PIK3R6: variants seen among roughly 807,000 people sequenced by gnomAD.
The protein encoded by PIK3R6 is phosphoinositide-3-kinase regulatory subunit 6.
In PIK3R6, 91 loss-of-function variants were observed where a neutral mutation model predicts 84.9. The ratio of observed to expected loss-of-function variants is 1.07; its 90% CI spans 0.90 to 1.28. The LOEUF (loss-of-function observed/expected upper bound fraction) is 1.28. Among genes scored for constraint, PIK3R6 ranks in the 50% most tolerant of loss-of-function variants. The probability of loss-of-function intolerance (pLI) is 0.00; values close to 1 mark genes in which losing one functional copy is unlikely to be tolerated. For synonymous variants in PIK3R6, 416 were observed against 411.4 expected (o/e 1.01, Z -0.13); for missense variants, 996 against 985.1 (o/e 1.01, Z -0.15).
At chr17:8,822,051 T>A in intron 16 of PIK3R6, 115 bp from the exon 17 acceptor site, 1 of 645,604 alleles carries the variant, frequency 1.5e-6, no homozygotes. Flanking sequence ...GCTGTGAGAG[T>A]CTTTTTTTTT....
chr17:8,817,967 G>T (rs149723), intron 18 of PIK3R6, among the ~76,000 whole-genome samples: 25,301 of 151,062 alleles, frequency 0.17, 2,200 homozygotes, highest in Middle Eastern at 0.22. Flanking sequence ...GCATGTGTAG[G>T]CTAAGCGGAA....
At position 8,827,263 on chromosome 17, in the gene PIK3R6, C is replaced by T; in HGVS notation, c.1424G>A (p.Gly475Glu). ...GCGGCCCAGGAACGTAGCCAGCTCT[C>T]CCAGCTCCGGCTGCCTGGATGCTGC... ...KPAASRQPELGELATFLGRVD... is the reference protein window; with the variant it reads ...KPAASRQPELEELATFLGRVD... The change falls in exon 13 of 20, where the codon GGA becomes GAA. Residue 475 changes from glycine to glutamate, a missense_variant. Transcript: ENST00000619866. 6.4e-7 allele frequency: 1 copy of T among 1,569,206 alleles called. No homozygotes were observed. Among genetic ancestry groups the T allele is most frequent in the South Asian group, 1.2e-5 (1 of 85,340 alleles).
Position 8,823,441 on chromosome 17 carries a change from G to A in PIK3R6, c.1572C>T (p.Thr524=), listed in dbSNP as rs2087809488. 1 of 1,612,836 alleles carries A rather than the reference G, an allele frequency of 6.2e-7. No homozygotes were observed. Among genetic ancestry groups the A allele is most frequent in the Non-Finnish European group, 8.5e-7 (1 of 1,179,156 alleles). The change falls in exon 14 of 20, where the codon ACC becomes ACT. Residue 524 remains threonine, a synonymous_variant. Coordinates refer to ENST00000619866, the MANE Select transcript of PIK3R6 (RefSeq NM_001010855.4). Reference sequence around the variant, plus strand: ...GTTGGGTGCCCATGCGGATGTAGTAGGTGATGACGTCTAGGATGAAGGGGT... The same window carrying A: ...GTTGGGTGCCCATGCGGATGTAGTAAGTGATGACGTCTAGGATGAAGGGGT... ...TVDPFILDVI[T]YYIRMGTQPI...
At chr17:8,854,748 GAAGA>G (rs765232729) in intron 1 of PIK3R6, among the ~76,000 whole-genome samples, 4 of 152,298 alleles carry the variant, frequency 2.6e-5, no homozygotes, top group Admixed American at 6.5e-5. Context: ...TAAACTTTTA[GAAGA>G]AAGCATAGGA....
At chr17:8,836,393 C>T (rs1174588531) in intron 7 of PIK3R6, among the ~76,000 whole-genome samples, 154 bp downstream of exon 7, 1 of 152,174 alleles carries the variant, frequency 6.6e-6, no homozygotes, top group Admixed American at 6.5e-5. Flanking sequence ...GAATGGCAAA[C>T]GCACCCCACT....
intron 18 of PIK3R6, among the ~76,000 whole-genome samples, chr17:8,804,449 G>A (rs1045978014): frequency 6.6e-6 from 1 of 152,332 alleles, no homozygotes; most frequent in South Asian, 2.1e-4. Flanking sequence ...CTGAACTCGA[G>A]TGTTGATTTC....
chr17:8,837,348 C>T lies in PIK3R6; in HGVS notation c.259-425G>A, dbSNP rs558271378. ...TGCCCGGGAGGCCCCCCTCTCCCTC[C>T]CGACCTCAGTGTGCCCTCCGTCTCT... is the stretch of plus-strand genomic sequence containing the variant. On this transcript the variant is annotated intron_variant, in intron 5 of 19. Transcript: ENST00000619866. Among the ~76,000 whole-genome samples the T allele has an allele frequency of 2.6e-5, 4 of 152,184 alleles. No homozygotes were observed. In the South Asian group the frequency reaches 8.3e-4, roughly 32 times the overall value.
At chr17:8,846,635 CT>C (rs565063751) in intron 2 of PIK3R6, among the ~76,000 whole-genome samples, 7 of 152,156 alleles carry the variant, frequency 4.6e-5, no homozygotes, top group Admixed American at 1.3e-4. Flanking sequence ...TCTATAATTT[CT>C]TTTTAGCAGT....
Position 8,803,576 on chromosome 17 carries a change from T to G in PIK3R6, c.2109-147A>C. 2.4e-6 allele frequency: 2 copies of G among 817,812 alleles called. No individual in the cohort carries two copies. The highest frequency in any genetic ancestry group is 2.0e-5 in the South Asian group (1 of 49,414). The allele number at this position is 817,812 out of a possible 1,614,324, so 50.7% of individuals were successfully genotyped here. ...GGCTACACAGAAGAAAGAGGAAGAG[T>G]CAGGACAAGAAAGAAAAACCTGGGC... On this transcript the variant is annotated intron_variant, in intron 19 of 19. Transcript: ENST00000619866. The surrounding 1 kb of genome is among the most constrained non-coding windows in gnomAD (Gnocchi z 5.0).
At chr17:8,855,178 G>A (rs1415944178) in intron 1 of PIK3R6, among the ~76,000 whole-genome samples, 1 of 147,224 alleles carries the variant, frequency 6.8e-6, no homozygotes, top group African/African-American at 2.5e-5. Context: ...GGGTGACAGA[G>A]CGAGACTCCA....
Position 8,822,609 on chromosome 17 carries a change from T to G in PIK3R6, c.1766A>C (p.Glu589Ala). The change falls in exon 16 of 20, where the codon GAG becomes GCG. Residue 589 changes from glutamate to alanine, a missense_variant. Physicochemically the swap from Glu to Ala is moderately radical, Grantham distance 107 (BLOSUM62 -1). Coordinates refer to ENST00000619866, the MANE Select transcript of PIK3R6 (RefSeq NM_001010855.4). ...GACCTTCTGGTAGCATAGGGAGAGCTCTGCCCCTGGGCCCTCAGCCACGCC... is the reference window on the plus strand; with the variant it reads ...GACCTTCTGGTAGCATAGGGAGAGCGCTGCCCCTGGGCCCTCAGCCACGCC... The part of the protein sequence containing the change: ...RRGVAEGPGA[E>A]LSLCYQKALL... 6.2e-7 allele frequency: 1 copy of G among 1,613,852 alleles called. No individual in the cohort carries two copies. The highest frequency in any genetic ancestry group is 8.5e-7 in the Non-Finnish European group (1 of 1,179,868).
At chr17:8,831,754 G>A (rs2088248317) in intron 9 of PIK3R6, among the ~76,000 whole-genome samples, 1 of 152,098 alleles carries the variant, frequency 6.6e-6, no homozygotes, top group Non-Finnish European at 1.5e-5. Flanking sequence ...CACGATCAGT[G>A]ACTGTGCATA....
chr17:8,812,779 G>A (rs1480342165), intron 18 of PIK3R6, among the ~76,000 whole-genome samples: 1 of 152,106 alleles, frequency 6.6e-6, no homozygotes, highest in Non-Finnish European at 1.5e-5. Flanking sequence ...AGTTTATAGT[G>A]TTAAATGCCT....
chr17:8,845,264 G>A (rs1051485087), intron 2 of PIK3R6, among the ~76,000 whole-genome samples: 4 of 152,148 alleles, frequency 2.6e-5, no homozygotes, highest in Non-Finnish European at 4.4e-5. Context: ...TTTCCACAGT[G>A]GCTGAACTAG....
chr17:8,855,252 T>C (rs904160598), intron 1 of PIK3R6, among the ~76,000 whole-genome samples: 1 of 146,746 alleles, frequency 6.8e-6, no homozygotes, highest in South Asian at 2.1e-4. Context: ...AATAAAATAA[T>C]AAAATAAAAT....
At position 8,821,935 on chromosome 17, in the gene PIK3R6, G is replaced by T; in HGVS notation, c.1790C>A (p.Ala597Asp). 1 of 1,576,796 alleles carries T rather than the reference G, an allele frequency of 6.3e-7. No homozygotes were observed. The highest frequency in any genetic ancestry group is 1.2e-5 in the South Asian group (1 of 85,978). Reference sequence around the variant, plus strand: ...CTCTCGGGGCCGGTGGCTAAGCAAGGCCTGAGGAGGGGGATCGAGGAACAG... The same window carrying T: ...CTCTCGGGGCCGGTGGCTAAGCAAGTCCTGAGGAGGGGGATCGAGGAACAG... ...GAELSLCYQKALLSHRPREVT... is the reference protein window; with the variant it reads ...GAELSLCYQKDLLSHRPREVT... The change falls in exon 17 of 20, where the codon GCC becomes GAC. Residue 597 changes from alanine to aspartate, a missense_variant and splice_region_variant. Ala to Asp is a moderately radical substitution (Grantham distance 126). Transcript: ENST00000619866.
rs191638792 is a variant in PIK3R6, at chr17:8,837,157, T to A, written c.259-234A>T. Among the ~76,000 whole-genome samples, 243 of 152,222 alleles carry A rather than the reference T, an allele frequency of 1.6e-3. 3 individuals carry two copies. Among genetic ancestry groups the A allele is most frequent in the African/African-American group, 5.3e-3 (219 of 41,536 alleles). On this transcript the variant is annotated intron_variant, in intron 5 of 19. Transcript: ENST00000619866. ...GTCGCCCCGCCCCAACTTACCAAGA[T>A]AAAAATTCATTGCATCAAGTTATGC...
At chr17:8,816,827 T>C (rs1354962595) in intron 18 of PIK3R6, among the ~76,000 whole-genome samples, 2 of 152,214 alleles carry the variant, frequency 1.3e-5, no homozygotes, top group Non-Finnish European at 2.9e-5. Flanking sequence ...GAACTTGGTA[T>C]AGACTTTCTA....
In PIK3R6 at chr17:8,842,041, T is replaced by C. The variant is rs2088694765; in HGVS notation, c.14-2344A>G. Among the ~76,000 whole-genome samples, 1 of 152,112 alleles carries C rather than the reference T, an allele frequency of 6.6e-6. No individual in the cohort carries two copies. The highest frequency in any genetic ancestry group is 2.4e-5 in the African/African-American group (1 of 41,414). ...GAGCCCGGCACCTTCCCCCTCTCTC[T>C]TGCTTCATCTCTCAGCATGTGATCT... is the stretch of plus-strand genomic sequence containing the variant. On this transcript the variant is annotated intron_variant, in intron 2 of 19. Coordinates refer to ENST00000619866, the MANE Select transcript of PIK3R6 (RefSeq NM_001010855.4). This position sits in a 1 kb window ranked among gnomAD's most constrained non-coding sequence, Gnocchi z 4.5.
Sources: allele counts gnomAD v4.1 joint callset (sites outside exome capture counted in the v4.1 genomes callset), GRCh38; gene constraint gnomAD v4.1.1; non-coding constraint Gnocchi (gnomAD v3.1); transcripts MANE v1.5; gene names NCBI Gene and HGNC (gene_info 2026-07-23, HGNC 2026-07-21).